The following PLXNA4 variants were observed in gnomAD, a reference collection of about 807,000 sequenced individuals.
The protein encoded by PLXNA4 is plexin-A4.
PLXNA4 carries 44 observed loss-of-function variants against 191.8 expected under a neutral mutation model. That is an observed-to-expected ratio of 0.23 (90% confidence interval 0.18 to 0.29). The LOEUF is 0.29. Among genes scored for constraint, PLXNA4 ranks in the 10% least tolerant of loss-of-function variants. The probability of loss-of-function intolerance (pLI) is 1.00; values close to 1 mark genes in which losing one functional copy is unlikely to be tolerated. For synonymous variants in PLXNA4, 1,082 were observed against 1,009.5 expected (o/e 1.07, Z -1.36); for missense variants, 1,800 against 2,488.8 (o/e 0.72, Z 5.89).
chr7:132,439,512 A>G (rs1795607441), intron 3 of PLXNA4, among the ~76,000 whole-genome samples: 1 of 139,262 alleles, frequency 7.2e-6, no homozygotes, highest in Non-Finnish European at 1.6e-5. Flanking sequence ...ACGCATACAC[A>G]CATACACATA....
upstream of PLXNA4, among the ~76,000 whole-genome samples, chr7:132,578,272 A>G (rs1802331985): frequency 6.6e-6 from 1 of 151,974 alleles, no homozygotes; most frequent in South Asian, 2.1e-4. Context: ...CGCTCCCACC[A>G]TAGTCTGAGG....
At chr7:132,131,719 C>T (rs544279367) in intron 31 of PLXNA4, among the ~76,000 whole-genome samples, 8 of 152,320 alleles carry the variant, frequency 5.3e-5, no homozygotes, top group African/African-American at 9.6e-5. Context: ...TGAGAGGAGA[C>T]GGTTGGAATA....
At chr7:132,624,611 A>G (rs911382645) in intron 2 of PLXNA4, among the ~76,000 whole-genome samples, 2 of 152,164 alleles carry the variant, frequency 1.3e-5, no homozygotes, top group Non-Finnish European at 1.5e-5. Flanking sequence ...GGGCTACTCA[A>G]TCTTGGAAAG....
At chr7:132,229,687 AAGG>A (rs1045548232) in intron 5 of PLXNA4, among the ~76,000 whole-genome samples, 1 of 152,174 alleles carries the variant, frequency 6.6e-6, no homozygotes, top group Non-Finnish European at 1.5e-5. Context: ...AGCCCCAGGC[AAGG>A]AGTTTATTAG....
At chr7:132,321,139 C>T (rs186507172) in intron 3 of PLXNA4, among the ~76,000 whole-genome samples, 3 of 152,310 alleles carry the variant, frequency 2.0e-5, no homozygotes, top group Admixed American at 6.5e-5. Flanking sequence ...CCTGGCTCTC[C>T]GTCCGCCACC....
intron 4 of PLXNA4, among the ~76,000 whole-genome samples, chr7:132,259,513 T>C (rs1379152932): frequency 3.6e-5 from 5 of 137,214 alleles, no homozygotes; most frequent in Admixed American, 7.5e-5. Flanking sequence ...AACCAGCCCA[T>C]GGTATTCCCT....
At position 132,194,227 on chromosome 7, in the gene PLXNA4, A is replaced by G. The variant is rs770885660; in HGVS notation, c.2739-48T>C. The stretch of plus-strand genomic sequence containing the variant: ...CCCATGGGTCACAGGACTTCCAGCC[A>G]AGACCCTGCACCCCACAGCACCTAC... On this transcript the variant is annotated intron_variant, in intron 13 of 31. Coordinates refer to ENST00000321063, the MANE Select transcript of PLXNA4 (RefSeq NM_020911.2). 4.4e-6 allele frequency: 7 copies of G among 1,580,510 alleles called. No homozygotes were observed. The South Asian group carries it at 6.9e-5, about 16-fold the overall frequency.
intron 3 of PLXNA4, among the ~76,000 whole-genome samples, chr7:132,410,557 G>A (rs1794413922): frequency 6.6e-6 from 1 of 152,156 alleles, no homozygotes; most frequent in Non-Finnish European, 1.5e-5. Flanking sequence ...CTCTGTAACT[G>A]GGAGACACAT....
intron 4 of PLXNA4, among the ~76,000 whole-genome samples, chr7:132,290,247 T>G (rs1352087580): frequency 6.6e-6 from 1 of 152,214 alleles, no homozygotes; most frequent in East Asian, 1.9e-4. Flanking sequence ...AATGTGTGTT[T>G]GAGGCTTCTG....
intron 3 of PLXNA4, among the ~76,000 whole-genome samples, chr7:132,469,139 AG>A (rs1457725861): frequency 4.8e-4 from 69 of 143,822 alleles, no homozygotes; most frequent in African/African-American, 1.5e-3. Flanking sequence ...AAAAAAAAAA[AG>A]AAAGAAAGAA....
At chr7:132,621,235 G>A (rs1387516475) in intron 2 of PLXNA4, among the ~76,000 whole-genome samples, 1 of 137,430 alleles carries the variant, frequency 7.3e-6, no homozygotes, top group East Asian at 2.1e-4. Context: ...TTAATCTCTT[G>A]GTTTTTTTTT....
At chr7:132,251,322 C>G (rs1799243528) in intron 4 of PLXNA4, among the ~76,000 whole-genome samples, 1 of 152,130 alleles carries the variant, frequency 6.6e-6, no homozygotes, top group Non-Finnish European at 1.5e-5. Flanking sequence ...GACTATGGCC[C>G]CTTCTGAACT....
intron 4 of PLXNA4, among the ~76,000 whole-genome samples, chr7:132,284,158 G>C (rs1055818597): frequency 6.6e-6 from 1 of 152,220 alleles, no homozygotes; most frequent in Non-Finnish European, 1.5e-5. Flanking sequence ...GGGTGGCAGA[G>C]TGAGACCCTA....
chr7:132,492,912 T>C (rs1585217552), intron 2 of PLXNA4, among the ~76,000 whole-genome samples: 1 of 152,168 alleles, frequency 6.6e-6, no homozygotes, highest in African/African-American at 2.4e-5. Flanking sequence ...GGCTGCAGGG[T>C]GTGGCCCTAG....
intron 9 of PLXNA4, among the ~76,000 whole-genome samples, chr7:132,216,318 GA>G (rs558069676): frequency 4.7e-4 from 72 of 152,248 alleles, no homozygotes; most frequent in African/African-American, 1.7e-3. Context: ...TGATCTTTTT[GA>G]AGCTCAGTTT....
intron 9 of PLXNA4, among the ~76,000 whole-genome samples, chr7:132,220,549 T>C (rs778416323): frequency 5.3e-5 from 8 of 152,202 alleles, no homozygotes; most frequent in Middle Eastern, 3.4e-3. Context: ...TCATGGGAAA[T>C]GGAGAGGATT....
chr7:132,409,175 G>A (rs554433231), intron 3 of PLXNA4, among the ~76,000 whole-genome samples: 21 of 152,162 alleles, frequency 1.4e-4, no homozygotes, highest in African/African-American at 4.3e-4. Context: ...TAATGGGGTC[G>A]CGGGCAGCTG....
chr7:132,392,393 G>A (rs1793533988), intron 3 of PLXNA4, among the ~76,000 whole-genome samples: 1 of 152,222 alleles, frequency 6.6e-6, no homozygotes, highest in South Asian at 2.1e-4. Context: ...GGAGGCCCCA[G>A]CCTGTCTTTC....
chr7:132,639,414 C>A (rs1475720309), intron 2 of PLXNA4, among the ~76,000 whole-genome samples: 2 of 152,142 alleles, frequency 1.3e-5, no homozygotes, highest in Non-Finnish European at 2.9e-5. Context: ...CCATCATGAC[C>A]ATGTATACAC....
Sources: allele counts gnomAD v4.1 joint callset (sites outside exome capture counted in the v4.1 genomes callset), GRCh38; gene constraint gnomAD v4.1.1; transcripts MANE v1.5; gene names NCBI Gene and HGNC (gene_info 2026-07-23, HGNC 2026-07-21).